Variants in CCNL2 observed in about 807,000 individuals in gnomAD.
CCNL2 encodes cyclin L2.
In CCNL2, 28 loss-of-function variants were observed where a neutral mutation model predicts 59.1. The observed-to-expected ratio is 0.47, with a 90% CI of 0.35 to 0.65. The LOEUF (loss-of-function observed/expected upper bound fraction) is 0.65, where lower values mean the gene tolerates loss of function less well. Among genes scored for constraint, CCNL2 ranks in the 30% least tolerant of loss-of-function variants. The pLI, the probability that CCNL2 is intolerant of heterozygous loss-of-function variation, is 0.00. For synonymous variants in CCNL2, 342 were observed against 288.6 expected (o/e 1.19, Z -1.88); for missense variants, 714 against 717.4 (o/e 1.00, Z 0.05).
At chr1:1,390,087 C>T in intron 8 of CCNL2, 143 bp downstream of exon 8, 3 of 759,716 alleles carry the variant, frequency 3.9e-6, no homozygotes, top group African/African-American at 3.6e-5. Context: ...CACCATACTC[C>T]AGCCTGGGTG....
chr1:1,387,140 G>A lies in CCNL2; in HGVS notation c.*91C>T, dbSNP rs1205381856. The A allele has an allele frequency of 2.0e-6, 2 of 999,272 alleles. No homozygotes were observed. The highest frequency in any genetic ancestry group is 3.0e-6 in the Non-Finnish European group (2 of 666,870). 61.9% of individuals were successfully genotyped at this position (999,272 alleles called of 1,614,324 possible). A position where few individuals can be genotyped will look rare whatever the true frequency, so the allele number is the denominator to read the frequency against. Reference sequence around the variant, plus strand: ...ACCACTTGCGCTGAGAGCACACCCGGGGGTCAAAGGGCAGCCACCGGGGGT... The same window carrying A: ...ACCACTTGCGCTGAGAGCACACCCGAGGGTCAAAGGGCAGCCACCGGGGGT... On this transcript the variant is annotated 3_prime_UTR_variant, in exon 11 of 11. Coordinates refer to ENST00000400809, the MANE Select transcript of CCNL2 (RefSeq NM_030937.6).
At chr1:1,388,590 T>C (rs1276988986) in intron 8 of CCNL2, 2 of 428,710 alleles carry the variant, frequency 4.7e-6, no homozygotes, top group Admixed American at 2.6e-5. Flanking sequence ...TCTCTATATA[T>C]ATATATACAT....
intron 3 of CCNL2, 87 bp from the exon 4 acceptor site, chr1:1,395,601 CT>C (rs1359650088): frequency 6.4e-7 from 1 of 1,558,252 alleles, no homozygotes; most frequent in Non-Finnish European, 8.7e-7. Context: ...CTATGAGCAC[CT>C]AACACAAACC....
chr1:1,396,444 G>A (rs1050026909), intron 3 of CCNL2, among the ~76,000 whole-genome samples: 7 of 150,890 alleles, frequency 4.6e-5, no homozygotes, highest in Non-Finnish European at 8.9e-5. Context: ...TTTTATATTT[G>A]TAGTAGAGAT....
At position 1,390,506 on chromosome 1, in the gene CCNL2, T is replaced by C. The variant is rs776921309; in HGVS notation, c.817A>G (p.Ile273Val). ...FLLFGATEEE[I>V]QEICLKILQL... ...AAGATCTTTAAGCAGATTTCCTGAA[T>C]TTCTTCTTCAGTTGCTCCAAACAAA... The change falls in exon 7 of 11, where the codon ATT becomes GTT. Residue 273 changes from isoleucine (I) to valine (V), a missense_variant. By Grantham distance (29) the Ile-to-Val change is conservative. This residue lies in a region of CCNL2 where 403 missense variants were observed against 377.7 expected (regional missense o/e 1.07). Coordinates refer to ENST00000400809, the MANE Select transcript of CCNL2 (RefSeq NM_030937.6). 6 of 1,613,828 alleles carry C rather than the reference T, an allele frequency of 3.7e-6. No homozygotes were observed. The South Asian group carries it at 6.6e-5, about 18-fold the overall frequency.
Position 1,387,831 on chromosome 1 carries a change from C to A in CCNL2, c.1157G>T (p.Ser386Ile). 2 of 1,613,616 alleles carry A rather than the reference C, an allele frequency of 1.2e-6. No individual in the cohort carries two copies. The highest frequency in any genetic ancestry group is 1.7e-6 in the Non-Finnish European group (2 of 1,179,970). The change falls in exon 10 of 11, where the codon AGC (serine) becomes ATC (isoleucine). Residue 386 changes from serine to isoleucine, a missense_variant. Around this residue, in one of 5 missense-constraint regions of CCNL2, gnomAD observed 403 missense variants for 377.7 expected, o/e 1.07. Transcript: ENST00000400809. Reference sequence around the variant, plus strand: ...GGACCTCGAGTAGCTCTGCTCACGGCTCCGGCTCCGACTCCGACTCTCTCG... The same window carrying A: ...GGACCTCGAGTAGCTCTGCTCACGGATCCGGCTCCGACTCCGACTCTCTCG... ...KGRESRSRSR[S>I]REQSYSRSPS...
rs1644488299 is a variant in CCNL2, at chr1:1,387,076, C to G, written c.*155G>C. ...GTTCCATTTCCAAATCCACCAAGGT[C>G]CAGTCGACAGACATTTCCAAAAAGA... is the stretch of plus-strand genomic sequence containing the variant. On this transcript the variant is annotated 3_prime_UTR_variant, in exon 11 of 11. Coordinates refer to ENST00000400809, the MANE Select transcript of CCNL2 (RefSeq NM_030937.6). 1 of 607,954 alleles carries G rather than the reference C, an allele frequency of 1.6e-6. No individual in the cohort carries two copies. The highest frequency in any genetic ancestry group is 3.0e-5 in the Admixed American group (1 of 33,466). 37.7% of individuals were successfully genotyped at this position (607,954 alleles called of 1,614,324 possible).
intron 4 of CCNL2, among the ~76,000 whole-genome samples, chr1:1,394,081 C>T (rs1429667676): frequency 6.6e-6 from 1 of 150,922 alleles, no homozygotes; most frequent in African/African-American, 2.4e-5. Flanking sequence ...GCTGAGGTTG[C>T]GCCATTGCAC....
chr1:1,388,565 G>GTCTCTCTCTC (rs70949586), intron 8 of CCNL2: 5 of 382,566 alleles, frequency 1.3e-5, no homozygotes, highest in East Asian at 1.6e-4. Context: ...GTGAGTGTGT[G>GTCTCTCTCTC]TCTCTCTCTC....
chr1:1,387,743 T>C lies in CCNL2; in HGVS notation c.1211+34A>G. On this transcript the variant is annotated intron_variant, in intron 10 of 10. Coordinates refer to ENST00000400809, the MANE Select transcript of CCNL2 (RefSeq NM_030937.6). ...ACCCCGAGGGACAGCCCCACCCCGGTATCGGCCTCCTGGGTGCGCCCTGAG... is the reference window on the plus strand; with the variant it reads ...ACCCCGAGGGACAGCCCCACCCCGGCATCGGCCTCCTGGGTGCGCCCTGAG... 1.3e-6 allele frequency: 2 copies of C among 1,552,254 alleles called. 1 individual carries two copies. The highest frequency in any genetic ancestry group is 2.3e-5 in the South Asian group (2 of 87,474).
Position 1,399,138 on chromosome 1 carries a change from C to T in CCNL2, c.169G>A (p.Asp57Asn). 6.2e-7 allele frequency: 1 copy of T among 1,612,292 alleles called. No individual in the cohort carries two copies. Among genetic ancestry groups the T allele is most frequent in the South Asian group, 1.1e-5 (1 of 91,010 alleles). Residue 57 changes from aspartate to asparagine, a missense_variant, in exon 1 of 11, where the codon GAC becomes AAC. Coordinates refer to ENST00000400809, the MANE Select transcript of CCNL2 (RefSeq NM_030937.6). ...ATGGACGGCGTGAAACGGAGCTTGTCGTCAGGCAGGAGGCAGTTCTCCAAG... is the reference window on the plus strand; with the variant it reads ...ATGGACGGCGTGAAACGGAGCTTGTTGTCAGGCAGGAGGCAGTTCTCCAAG... ...ITLENCLLPDDKLRFTPSMSS... is the reference protein window; with the variant it reads ...ITLENCLLPDNKLRFTPSMSS...
At chr1:1,394,989 G>A (rs1644941820) in intron 4 of CCNL2, among the ~76,000 whole-genome samples, 1 of 152,026 alleles carries the variant, frequency 6.6e-6, no homozygotes, top group South Asian at 2.1e-4. Context: ...GCCGGGAGGT[G>A]GAGGTTGTGC....
At chr1:1,398,848 G>A in intron 1 of CCNL2, 171 bp downstream of exon 1, 3 of 1,334,994 alleles carry the variant, frequency 2.2e-6, no homozygotes, top group Non-Finnish European at 3.0e-6. Flanking sequence ...CGGGCGGGGA[G>A]GCCCCGGGTC....
In CCNL2 at chr1:1,391,076, G is replaced by A. The variant is rs1246043847; in HGVS notation, c.660-211C>T. 4 of 1,046,706 alleles carry A rather than the reference G, an allele frequency of 3.8e-6. No individual in the cohort carries two copies. In the African/African-American group the frequency reaches 4.9e-5, roughly 13 times the overall value. 64.8% of individuals were successfully genotyped at this position (1,046,706 alleles called of 1,614,324 possible). A position where few individuals can be genotyped will look rare whatever the true frequency, so the allele number is the denominator to read the frequency against. ...AATACAGTAAATACAGGACAGAAAG[G>A]CACAGAAATTATTAGAAAAAAAAAA... On this transcript the variant is annotated intron_variant, in intron 5 of 10. Coordinates refer to ENST00000400809, the MANE Select transcript of CCNL2 (RefSeq NM_030937.6).
At chr1:1,395,558 G>C (rs1326045913) in intron 3 of CCNL2, 44 bp from the exon 4 acceptor site, 7 of 1,609,274 alleles carry the variant, frequency 4.3e-6, no homozygotes. Context: ...GTCAAGCAGA[G>C]CAAGGCTTCT....
At position 1,386,642 on chromosome 1, in the gene CCNL2, G is replaced by A. The variant is rs913200813; in HGVS notation, c.*589C>T. 2 of 152,552 alleles carry A rather than the reference G, an allele frequency of 1.3e-5. No individual in the cohort carries two copies. The highest frequency in any genetic ancestry group is 2.9e-5 in the Non-Finnish European group (2 of 68,070). The allele number at this position is 152,552 out of a possible 1,614,324, so 9.4% of individuals were successfully genotyped here. A position where few individuals can be genotyped will look rare whatever the true frequency, so the allele number is the denominator to read the frequency against. ...ATCCAAATACCCTCACATTTTAAAAGTCAGGATTCCCTACACAAGTTTTAA... is the reference window on the plus strand; with the variant it reads ...ATCCAAATACCCTCACATTTTAAAAATCAGGATTCCCTACACAAGTTTTAA... On this transcript the variant is annotated 3_prime_UTR_variant, in exon 11 of 11. Coordinates refer to ENST00000400809, the MANE Select transcript of CCNL2 (RefSeq NM_030937.6).
intron 5 of CCNL2, chr1:1,391,805 C>T: frequency 3.2e-6 from 1 of 314,776 alleles, no homozygotes; most frequent in Non-Finnish European, 6.2e-6. Context: ...TAAAACCAGA[C>T]CTTACACTAG....
intron 4 of CCNL2, among the ~76,000 whole-genome samples, chr1:1,393,781 C>A (rs573327188): frequency 6.6e-6 from 1 of 152,324 alleles, no homozygotes; most frequent in South Asian, 2.1e-4. Flanking sequence ...TCTCTGTATC[C>A]CAGTTAACAA....
intron 5 of CCNL2, 25 bp from the exon 6 acceptor site, chr1:1,390,890 T>C: frequency 6.3e-7 from 1 of 1,588,340 alleles, no homozygotes; most frequent in Non-Finnish European, 8.6e-7. Context: ...CAGGAAGAAC[T>C]GCAATGCCCC....
Sources: allele counts gnomAD v4.1 joint callset (sites outside exome capture counted in the v4.1 genomes callset), GRCh38; gene constraint gnomAD v4.1.1; regional missense constraint gnomAD v4.1.1; transcripts MANE v1.5; gene names NCBI Gene and HGNC (gene_info 2026-07-23, HGNC 2026-07-21).